THSD7B: variants seen among roughly 807,000 people sequenced by gnomAD.
The protein encoded by THSD7B is thrombospondin type-1 domain-containing protein 7B.
THSD7B carries 138 observed loss-of-function variants against 213.6 expected under a neutral mutation model. The ratio of observed to expected loss-of-function variants is 0.65; its 90% confidence interval spans 0.56 to 0.74. The LOEUF (loss-of-function observed/expected upper bound fraction) is 0.74. Among genes scored for constraint, THSD7B ranks in the 30% least tolerant of loss-of-function variants. The pLI is 0.00. For missense variants in THSD7B, 1,931 were observed against 1,991.5 expected, an observed-to-expected ratio of 0.97 and a Z score of 0.58; for synonymous variants, 742 against 687.0, an observed-to-expected ratio of 1.08 and a Z score of -1.25.
intron 20 of THSD7B, among the ~76,000 whole-genome samples, chr2:137,631,721 C>T (rs574942115): frequency 1.0e-3 from 155 of 152,150 alleles, no homozygotes; most frequent in African/African-American, 3.7e-3. Flanking sequence ...TCAAGTAATT[C>T]GTTCTTATGG....
chr2:137,294,606 A>G (rs1683413323), intron 12 of THSD7B, among the ~76,000 whole-genome samples: 1 of 147,308 alleles, frequency 6.8e-6, no homozygotes, highest in Non-Finnish European at 1.5e-5. Context: ...AAAAAAAAAG[A>G]AAGGGAGAGA....
chr2:137,372,980 G>A (rs1264087370), intron 12 of THSD7B, among the ~76,000 whole-genome samples: 1 of 151,500 alleles, frequency 6.6e-6, no homozygotes, highest in Non-Finnish European at 1.5e-5. Flanking sequence ...AGTTTACTGA[G>A]AATGATGATT....
At chr2:137,643,252 T>A (rs1682971394) in intron 21 of THSD7B, among the ~76,000 whole-genome samples, 1 of 152,232 alleles carries the variant, frequency 6.6e-6, no homozygotes, top group Non-Finnish European at 1.5e-5. Context: ...GGCTTCTTGC[T>A]TAAGAAATAG....
At chr2:137,449,371 A>T (rs1415704884) in intron 14 of THSD7B, among the ~76,000 whole-genome samples, 1 of 152,204 alleles carries the variant, frequency 6.6e-6, no homozygotes, top group Non-Finnish European at 1.5e-5. Flanking sequence ...ATTGTTGCAT[A>T]AAAAAATACC....
At chr2:137,552,798 C>T (rs1270752937) in intron 15 of THSD7B, among the ~76,000 whole-genome samples, 7 of 152,142 alleles carry the variant, frequency 4.6e-5, no homozygotes, top group South Asian at 2.1e-4. Context: ...GAAAGCATAA[C>T]TTAGTTGCTG....
At chr2:137,521,632 T>C (rs1004688795) in intron 15 of THSD7B, among the ~76,000 whole-genome samples, 19 of 152,192 alleles carry the variant, frequency 1.2e-4, no homozygotes. Flanking sequence ...TTGTTTTCTA[T>C]GATCAGAGCA....
intron 11 of THSD7B, among the ~76,000 whole-genome samples, chr2:137,274,240 T>G (rs972734733): frequency 6.6e-6 from 1 of 152,066 alleles, no homozygotes; most frequent in African/African-American, 2.4e-5. Flanking sequence ...GCTTTCCCCT[T>G]TATTGGTATG....
intron 2 of THSD7B, among the ~76,000 whole-genome samples, chr2:136,966,028 T>C (rs1237366169): frequency 6.6e-6 from 1 of 152,200 alleles, no homozygotes; most frequent in Non-Finnish European, 1.5e-5. Context: ...CTTATTTGTT[T>C]GATTAATCAA....
chr2:137,209,480 C>A (rs1681054358), intron 7 of THSD7B, among the ~76,000 whole-genome samples: 1 of 151,986 alleles, frequency 6.6e-6, no homozygotes, highest in South Asian at 2.1e-4. Flanking sequence ...AAACACAGAT[C>A]ACACAATTAC....
At chr2:136,805,068 A>T (rs2059732) in intron 1 of THSD7B, among the ~76,000 whole-genome samples, 103,336 of 151,476 alleles carry the variant, frequency 0.68, 35,448 homozygotes, top group East Asian at 0.81. Context: ...CCCAGGGCAT[A>T]GCTGCTCTTT....
At chr2:136,803,860 G>A (rs1228644643) in intron 1 of THSD7B, among the ~76,000 whole-genome samples, 1 of 152,306 alleles carries the variant, frequency 6.6e-6, no homozygotes, top group South Asian at 2.1e-4. Context: ...GGCAAGAGAA[G>A]ATGGATGTCT....
rs1434548587 is a variant in THSD7B, at chr2:137,271,469, T to A, written c.2267-1064T>A. 6.1e-4 allele frequency among the ~76,000 whole-genome samples: 77 copies of A among 125,378 alleles called. 3 individuals carry two copies. Among genetic ancestry groups the A allele is most frequent in the African/African-American group, 1.6e-3 (50 of 31,948 alleles). The allele number at this position is 125,378 out of a possible 152,430, so 82.3% of individuals were successfully genotyped here. ...ATATATAATATAATATATAATATAA[T>A]ATATAATATAAAATCATATATATAT... On this transcript the variant is annotated intron_variant, in intron 10 of 27. Coordinates refer to ENST00000409968, the MANE Select transcript of THSD7B (RefSeq NM_001316349.2).
At position 137,497,009 on chromosome 2, in the gene THSD7B, G is replaced by A. The variant is rs140925994; in HGVS notation, c.3138+45986G>A. ...ATGTCCATTCTTTCTATTCTGCAGA[G>A]AATAGTCATAATTTTTATTTGGTCC... On this transcript the variant is annotated intron_variant, in intron 15 of 27. Transcript: ENST00000409968. Among the ~76,000 whole-genome samples, 1,041 of 152,166 alleles carry A rather than the reference G, an allele frequency of 6.8e-3. 9 individuals are homozygous for A. Among genetic ancestry groups the A allele is most frequent in the African/African-American group, 0.024 (985 of 41,520 alleles).
chr2:137,003,836 C>G (rs75044984), intron 2 of THSD7B, among the ~76,000 whole-genome samples: 2,517 of 152,268 alleles, frequency 0.017, 34 homozygotes, highest in Middle Eastern at 0.02. Context: ...AAGTAAGTAA[C>G]AAGCCCATAA....
At chr2:137,364,811 C>A (rs1227037863) in intron 12 of THSD7B, among the ~76,000 whole-genome samples, 1 of 152,166 alleles carries the variant, frequency 6.6e-6, no homozygotes, top group Non-Finnish European at 1.5e-5. Flanking sequence ...AATGGCCATA[C>A]TGCCCAAGGT....
rs1190315626 is a variant in THSD7B at position 136,768,357 on chromosome 2, T to C, written c.-36+2670T>C. 2.0e-5 allele frequency among the ~76,000 whole-genome samples: 3 copies of C among 152,358 alleles called. No individual in the cohort carries two copies. The East Asian group carries it at 5.8e-4, about 29-fold the overall frequency. On this transcript the variant is annotated intron_variant, in intron 1 of 27. Coordinates refer to ENST00000409968, the MANE Select transcript of THSD7B (RefSeq NM_001316349.2). ...AAAGCATGTCAACTCACTTTAATTA[T>C]ACTTCACAAATTGAAACTGGAGTTG... is the stretch of plus-strand genomic sequence containing the variant.
chr2:137,663,425 A>C lies in THSD7B; in HGVS notation c.4501A>C (p.Lys1501Gln), dbSNP rs1683389495. 1.3e-6 allele frequency: 2 copies of C among 1,594,488 alleles called. No homozygotes were observed. Among genetic ancestry groups the C allele is most frequent in the Non-Finnish European group, 1.7e-6 (2 of 1,169,480 alleles). Residue 1501 changes from lysine (K) to glutamine (Q), a missense_variant, in exon 26 of 28, where the codon AAA becomes CAA. Lys to Gln is a moderately conservative substitution (Grantham distance 53). Coordinates refer to ENST00000409968, the MANE Select transcript of THSD7B (RefSeq NM_001316349.2). ...GCEKGYTEIM[K>Q]SNGFLDYCMK... is the part of the protein sequence containing the mutation. ...TGAGAAGGGCTATACAGAGATAATG[A>C]AATCAAATGGTTTCCTGGATTACTG...
chr2:136,862,519 T>A (rs1357221085), intron 1 of THSD7B, among the ~76,000 whole-genome samples: 1 of 152,016 alleles, frequency 6.6e-6, no homozygotes, highest in Admixed American at 6.6e-5. Context: ...ATGAAAAAAA[T>A]AATAAGGCAG....
intron 2 of THSD7B, among the ~76,000 whole-genome samples, chr2:136,954,714 C>CAAAAAAAAAAAAAAAAAAAAA (rs11378111): frequency 1.2e-4 from 11 of 89,394 alleles, no homozygotes; most frequent in African/African-American, 6.2e-4. Flanking sequence ...GACTCTGTCT[C>CAAAAAAAAAAAAAAAAAAAAA]AAAAAAAAAA....
Sources: allele counts gnomAD v4.1 joint callset (sites outside exome capture counted in the v4.1 genomes callset), GRCh38; gene constraint gnomAD v4.1.1; transcripts MANE v1.5; gene names NCBI Gene and HGNC (gene_info 2026-07-23, HGNC 2026-07-21).